RPS7: variants seen among roughly 807,000 people sequenced by gnomAD.
RPS7 encodes small ribosomal subunit protein eS7.
In RPS7, 1 loss-of-function variant was observed where a neutral mutation model predicts 22.1. The ratio of observed to expected loss-of-function variants is 0.05; its 90% confidence interval spans 0.02 to 0.21. The LOEUF is 0.21. Ranked by LOEUF, RPS7 falls within the 10% of genes least tolerant of loss-of-function variation. The pLI, the probability that RPS7 is intolerant of heterozygous loss-of-function variation, is 1.00. For synonymous variants in RPS7, 80 were observed against 92.0 expected (o/e 0.87, Z 0.74); for missense variants, 137 against 246.4 (o/e 0.56, Z 2.97).
In RPS7 at chr2:3,580,793, C is replaced by A. The variant is rs2071639; in HGVS notation, c.508-12C>A. On this transcript the variant is annotated splice_polypyrimidine_tract_variant and intron_variant, in intron 6 of 6. Coordinates refer to ENST00000645674, the MANE Select transcript of RPS7 (RefSeq NM_001011.4). ...TTCAAAGTTCTGTGATGAATTCTTT[C>A]TTTTCTTGTAGGTTGAAACTTTTTC... 179,280 of 1,539,192 alleles carry A rather than the reference C, an allele frequency of 0.12. 11,415 individuals are homozygous for A. Among genetic ancestry groups the A allele is most frequent in the East Asian group, 0.22 (9,904 of 44,500 alleles).
Position 3,580,476 on chromosome 2 carries a change from A to T in RPS7, c.507+216A>T. The T allele has an allele frequency of 2.4e-5, 16 of 660,564 alleles. No individual in the cohort carries two copies. In the South Asian group the frequency reaches 2.8e-4, roughly 12 times the overall value. The allele number at this position is 660,564 out of a possible 1,614,324, so 40.9% of individuals were successfully genotyped here. ...ACTTGAAATTCTCTGTACCTTTTGG[A>T]AGTAGACTCTTTCTGTGGTCTTTTA... On this transcript the variant is annotated intron_variant, in intron 6 of 6. Transcript: ENST00000645674.
intron 1 of RPS7, 79 bp from the exon 2 acceptor site, chr2:3,575,512 TG>T: frequency 1.1e-6 from 1 of 903,310 alleles, no homozygotes; most frequent in Non-Finnish European, 1.7e-6. Flanking sequence ...GAGCGGGGCC[TG>T]GCCGGGGGGT....
chr2:3,575,890 T>TAAGC lies in RPS7; in HGVS notation c.147+3_147+6dup, dbSNP rs1661265060. The TAAGC allele has an allele frequency of 6.2e-7, 1 of 1,603,678 alleles. No individual in the cohort carries two copies. The highest frequency in any genetic ancestry group is 1.3e-5 in the African/African-American group (1 of 74,630). On this transcript the variant is annotated splice_region_variant and intron_variant, in intron 3 of 6. Transcript: ENST00000645674. ...GAGCTGAATATTACGGCAGCTAAGG[T>TAAGC]AAGCTGGCGCTCCCTCGGCTGGGAG...
chr2:3,580,090 CT>C lies in RPS7; in HGVS notation c.357-16del. 1 of 1,613,500 alleles carries C rather than the reference CT, an allele frequency of 6.2e-7. No individual in the cohort carries two copies. The highest frequency in any genetic ancestry group is 1.1e-5 in the South Asian group (1 of 91,054). ...GGGCAGGCGTTGCTAGGTTGCTTAC[CT>C]TTTAAACTATTCTTTTAGCCGTACT... On this transcript the variant is annotated intron_variant, in intron 5 of 6. Coordinates refer to ENST00000645674, the MANE Select transcript of RPS7 (RefSeq NM_001011.4).
At chr2:3,578,994 C>A (rs1661345218) in intron 5 of RPS7, 1 of 152,056 alleles carries the variant, frequency 6.6e-6, no homozygotes. Context: ...ATTTATTTTC[C>A]CTATTCAGTA....
At position 3,575,861 on chromosome 2, in the gene RPS7, C is replaced by G; in HGVS notation, c.120C>G (p.Leu40=). The G allele has an allele frequency of 6.2e-7, 1 of 1,611,542 alleles. No individual in the cohort carries two copies. Among genetic ancestry groups the G allele is most frequent in the Non-Finnish European group, 8.5e-7 (1 of 1,179,548 alleles). ...LEMNSDLKAQ[L]RELNITAAKE... The stretch of plus-strand genomic sequence containing the variant: ...TGAACTCGGACCTCAAGGCTCAGCT[C>G]AGGGAGCTGAATATTACGGCAGCTA... Residue 40 remains leucine (L), a synonymous_variant, in exon 3 of 7, where the codon CTC becomes CTG. Coordinates refer to ENST00000645674, the MANE Select transcript of RPS7 (RefSeq NM_001011.4).
chr2:3,576,864 C>T, intron 4 of RPS7: 1 of 587,558 alleles, frequency 1.7e-6, no homozygotes, highest in Non-Finnish European at 3.1e-6. Flanking sequence ...AAGACCCTGT[C>T]TACAAAAAAT....
Position 3,575,809 on chromosome 2 carries a change from C to A in RPS7, c.76-8C>A. ...TCAGGGTCGGTCCTGCTGTTCGTTG[C>A]TTCTTAGGCTCTTCTGGAGCTGGAG... On this transcript the variant is annotated splice_polypyrimidine_tract_variant and splice_region_variant and intron_variant, in intron 2 of 6. Transcript: ENST00000645674. 3 of 1,611,878 alleles carry A rather than the reference C, an allele frequency of 1.9e-6. No individual in the cohort carries two copies. The highest frequency in any genetic ancestry group is 2.5e-6 in the Non-Finnish European group (3 of 1,179,230).
At chr2:3,580,508 C>T (rs1403226676) in intron 6 of RPS7, 2 of 634,690 alleles carry the variant, frequency 3.2e-6, no homozygotes. Context: ...TTTAGTTAGG[C>T]TGTATATTCT....
At chr2:3,579,674 A>G (rs1390713125) in intron 5 of RPS7, 1 of 258,786 alleles carries the variant, frequency 3.9e-6, no homozygotes, top group Non-Finnish European at 7.6e-6. Flanking sequence ...AAATGATGTG[A>G]TCATATCCGT....
intron 3 of RPS7, 21 bp downstream of exon 3, chr2:3,575,909 C>T (rs751500208): frequency 1.9e-6 from 3 of 1,568,544 alleles, no homozygotes; most frequent in Non-Finnish European, 2.6e-6. Context: ...GCTCCCTCGG[C>T]TGGGAGGGAG....
chr2:3,575,999 C>G lies in RPS7; in HGVS notation c.147+111C>G, dbSNP rs1039651225. ...TGATGATGACTTGCCGCCTGGCCGC[C>G]TAACCTGAACTCAGGTTCGGCCGTG... On this transcript the variant is annotated intron_variant, in intron 3 of 6. Transcript: ENST00000645674. 2.2e-5 allele frequency: 18 copies of G among 808,924 alleles called. No homozygotes were observed. In the South Asian group the frequency reaches 2.5e-4, roughly 11 times the overall value. 50.1% of individuals were successfully genotyped at this position (808,924 alleles called of 1,614,324 possible). A position where few individuals can be genotyped will look rare whatever the true frequency, so the allele number is the denominator to read the frequency against.
rs531017879 is a variant in RPS7, at chr2:3,575,377, G to T, written c.-19+27G>T. On this transcript the variant is annotated intron_variant, in intron 1 of 6. Coordinates refer to ENST00000645674, the MANE Select transcript of RPS7 (RefSeq NM_001011.4). ...TAGGTTGGCGGCCTGCTCTCCGACA[G>T]AACTTTTCTTCTTGGGTTGAGGAAA... The T allele has an allele frequency of 1.9e-4, 110 of 564,708 alleles. No individual in the cohort carries two copies. The African/African-American group carries it at 2.0e-3, about 10-fold the overall frequency. The allele number at this position is 564,708 out of a possible 1,614,324, so 35.0% of individuals were successfully genotyped here.
In RPS7 at chr2:3,579,985, T is replaced by C. The variant is rs1390097746; in HGVS notation, c.357-125T>C. Reference sequence around the variant, plus strand: ...GAAATATAACAAGCTTATTTGAAAATGAGTGTTAATTTGACTTCAGGAACC... The same window carrying C: ...GAAATATAACAAGCTTATTTGAAAACGAGTGTTAATTTGACTTCAGGAACC... On this transcript the variant is annotated intron_variant, in intron 5 of 6. Coordinates refer to ENST00000645674, the MANE Select transcript of RPS7 (RefSeq NM_001011.4). 5.7e-6 allele frequency: 5 copies of C among 873,358 alleles called. No individual in the cohort carries two copies. In the East Asian group the frequency reaches 1.2e-4, roughly 21 times the overall value. The allele number at this position is 873,358 out of a possible 1,614,324, so 54.1% of individuals were successfully genotyped here.
chr2:3,580,348 A>G lies in RPS7; in HGVS notation c.507+88A>G, dbSNP rs752769703. On this transcript the variant is annotated intron_variant, in intron 6 of 6. Coordinates refer to ENST00000645674, the MANE Select transcript of RPS7 (RefSeq NM_001011.4). ...CCAGTCTCCATGCGCCACCATAGCAATGACTGTAGTAAACTCAGGACTAGT... is the reference window on the plus strand; with the variant it reads ...CCAGTCTCCATGCGCCACCATAGCAGTGACTGTAGTAAACTCAGGACTAGT... The G allele has an allele frequency of 5.7e-5, 66 of 1,166,676 alleles. No individual in the cohort carries two copies. The Middle Eastern group carries it at 5.7e-4, about 10-fold the overall frequency. The allele number at this position is 1,166,676 out of a possible 1,614,324, so 72.3% of individuals were successfully genotyped here.
intron 3 of RPS7, 87 bp from the exon 4 acceptor site, chr2:3,576,400 G>T (rs1290813436): frequency 7.8e-6 from 9 of 1,146,768 alleles, no homozygotes; most frequent in Non-Finnish European, 1.2e-5. Context: ...TACGGTGTTA[G>T]TGATAAGGTC....
Position 3,575,637 on chromosome 2 carries a change from A to C in RPS7, c.28A>C (p.Lys10Gln), listed in dbSNP as rs2147819102. Residue 10 changes from lysine to glutamine, a missense_variant, in exon 2 of 7, where the codon AAG (lysine) becomes CAG (glutamine). Lys to Gln is a moderately conservative substitution (Grantham distance 53). This residue lies in a region of RPS7 where 63 missense variants were observed against 75.0 expected (regional missense o/e 0.84). Coordinates refer to ENST00000645674, the MANE Select transcript of RPS7 (RefSeq NM_001011.4). MFSSSAKIVKPNGEKPDEFE... is the reference protein window; with the variant it reads MFSSSAKIVQPNGEKPDEFE... ...GTTCAGTTCGAGCGCCAAGATCGTG[A>C]AGCCCAATGGCGAGAAGCCGGACGA... 2 of 1,611,470 alleles carry C rather than the reference A, an allele frequency of 1.2e-6. No individual in the cohort carries two copies. Among genetic ancestry groups the C allele is most frequent in the Non-Finnish European group, 1.7e-6 (2 of 1,179,570 alleles).
rs947902084 is a variant in RPS7, at chr2:3,580,328, C to T, written c.507+68C>T. On this transcript the variant is annotated intron_variant, in intron 6 of 6. Coordinates refer to ENST00000645674, the MANE Select transcript of RPS7 (RefSeq NM_001011.4). Reference sequence around the variant, plus strand: ...GAGAGTGGATTTTAGTGTAACCAGTCTCCATGCGCCACCATAGCAATGACT... The same window carrying T: ...GAGAGTGGATTTTAGTGTAACCAGTTTCCATGCGCCACCATAGCAATGACT... The T allele has an allele frequency of 2.2e-6, 3 of 1,352,890 alleles. No individual in the cohort carries two copies. In the African/African-American group the frequency reaches 4.3e-5, roughly 19 times the overall value. 83.8% of individuals were successfully genotyped at this position (1,352,890 alleles called of 1,614,324 possible).
chr2:3,578,105 G>T, intron 5 of RPS7: 1 of 229,058 alleles, frequency 4.4e-6, no homozygotes, highest in African/African-American at 2.3e-5. Context: ...ACATGGGCTT[G>T]GATTTATCTT....
Sources: gnomAD v4.1 joint callset for allele counts on GRCh38, gnomAD v4.1.1 for gene constraint, gnomAD v4.1.1 regional missense constraint, MANE v1.5 for transcripts, NCBI Gene and HGNC (gene_info 2026-07-23, HGNC 2026-07-21) for gene names.